NALCN: variants seen among roughly 807,000 people sequenced by gnomAD.
The protein encoded by NALCN is sodium leak channel NALCN.
A neutral mutation model predicts 225.3 loss-of-function variants in NALCN; 111 were observed. The ratio of observed to expected loss-of-function variants is 0.49; its 90% CI spans 0.42 to 0.58. NALCN has a LOEUF of 0.58. NALCN is among the 20% of genes least tolerant of loss of function. NALCN has a pLI of 0.00. For synonymous variants in NALCN, 764 were observed against 769.0 expected (o/e 0.99, Z 0.11); for missense variants, 1,378 against 2,202.4 (o/e 0.63, Z 7.49).
At chr13:101,392,785 T>G (rs1006079137) in intron 3 of NALCN, among the ~76,000 whole-genome samples, 1 of 152,166 alleles carries the variant, frequency 6.6e-6, no homozygotes, top group African/African-American at 2.4e-5. Context: ...AGGAAAACTA[T>G]TATGACTAAT....
chr13:101,211,625 T>TG (rs201195727), intron 13 of NALCN, among the ~76,000 whole-genome samples: 2,406 of 145,436 alleles, frequency 0.017, 74 homozygotes, highest in African/African-American at 0.059. Flanking sequence ...CAGTTTTTTT[T>TG]GGGGGGGGAG....
chr13:101,120,046 T>C (rs2035897844), intron 18 of NALCN, among the ~76,000 whole-genome samples: 1 of 152,164 alleles, frequency 6.6e-6, no homozygotes, highest in Admixed American at 6.5e-5. Flanking sequence ...TACATAGAAA[T>C]GGGTGATTCT....
intron 13 of NALCN, among the ~76,000 whole-genome samples, chr13:101,210,517 T>C (rs911416793): frequency 1.3e-5 from 2 of 151,742 alleles, no homozygotes; most frequent in African/African-American, 4.9e-5. Context: ...TTTTCTGTAA[T>C]ATGATTTTTT....
At chr13:101,114,547 C>A (rs536167215) in intron 18 of NALCN, among the ~76,000 whole-genome samples, 2 of 152,012 alleles carry the variant, frequency 1.3e-5, no homozygotes, top group South Asian at 4.2e-4. Context: ...GGGGAGGAAT[C>A]CAGCAAACCG....
intron 13 of NALCN, among the ~76,000 whole-genome samples, chr13:101,194,138 A>C (rs775391116): frequency 7.2e-5 from 11 of 152,264 alleles, no homozygotes; most frequent in Middle Eastern, 3.4e-3. Context: ...TTTGATCAAC[A>C]CAGTAGCTGC....
chr13:101,210,409 C>T (rs1351018329), intron 13 of NALCN, among the ~76,000 whole-genome samples: 1 of 152,166 alleles, frequency 6.6e-6, no homozygotes, highest in Non-Finnish European at 1.5e-5. Flanking sequence ...AATGAATATA[C>T]ATATCATTGG....
rs2034462992 is a variant in NALCN at position 101,095,653 on chromosome 13, T to A, written c.3190A>T (p.Asn1064Tyr). The A allele has an allele frequency of 6.2e-7, 1 of 1,612,984 alleles. No homozygotes were observed. The highest frequency in any genetic ancestry group is 8.5e-7 in the Non-Finnish European group (1 of 1,179,532). The change falls in exon 28 of 44, where the codon AAT becomes TAT. Residue 1064 changes from asparagine to tyrosine, a missense_variant. Asn to Tyr is a moderately radical substitution (Grantham distance 143). Coordinates refer to ENST00000251127, the MANE Select transcript of NALCN (RefSeq NM_052867.4). Reference protein sequence around the residue: ...REDCNGIFRINVSVSKNLNLK... With the variant: ...REDCNGIFRIYVSVSKNLNLK... ...TTTAAGTTCTTTGACACACTGACAT[T>A]AATTCTGAATATGCCATTGCAATCT...
chr13:101,196,402 C>A (rs2039891918), intron 13 of NALCN, among the ~76,000 whole-genome samples: 1 of 152,120 alleles, frequency 6.6e-6, no homozygotes, highest in Non-Finnish European at 1.5e-5. Context: ...AGATATTATT[C>A]TTGGGGTCCT....
intron 15 of NALCN, among the ~76,000 whole-genome samples, chr13:101,173,177 G>A (rs1041672778): frequency 6.6e-6 from 1 of 152,294 alleles, no homozygotes; most frequent in African/African-American, 2.4e-5. Context: ...TAGTTTTAAC[G>A]ATTGGGTTGC....
At position 101,089,130 on chromosome 13, in the gene NALCN, T is replaced by C. The variant is rs1302881182; in HGVS notation, c.3489+533A>G. 1.3e-5 allele frequency among the ~76,000 whole-genome samples: 2 copies of C among 152,128 alleles called. No homozygotes were observed. The highest frequency in any genetic ancestry group is 4.8e-5 in the African/African-American group (2 of 41,430). On this transcript the variant is annotated intron_variant, in intron 30 of 43. Coordinates refer to ENST00000251127, the MANE Select transcript of NALCN (RefSeq NM_052867.4). This position sits in a 1 kb window ranked among gnomAD's most constrained non-coding sequence, Gnocchi z 4.7. ...CCAGGCTGGTCTTGAACTCCTGACC[T>C]CAAGTGATCCACCCGCCTTGGCCTC... is the stretch of plus-strand genomic sequence containing the variant.
intron 14 of NALCN, among the ~76,000 whole-genome samples, chr13:101,190,750 CA>C (rs2039647547): frequency 6.6e-6 from 1 of 152,126 alleles, no homozygotes; most frequent in Non-Finnish European, 1.5e-5. Flanking sequence ...TTATTTCATT[CA>C]TAGATATTTA....
At chr13:101,172,735 T>C (rs2038788446) in intron 15 of NALCN, among the ~76,000 whole-genome samples, 2 of 139,012 alleles carry the variant, frequency 1.4e-5, no homozygotes, top group African/African-American at 5.0e-5. Flanking sequence ...AATTTTTTTG[T>C]TTTTCGTATT....
intron 13 of NALCN, among the ~76,000 whole-genome samples, chr13:101,215,681 C>CT (rs58105302): frequency 0.5 from 74,897 of 150,754 alleles, 19,058 homozygotes; most frequent in Non-Finnish European, 0.55. Flanking sequence ...TGGAGGCTTA[C>CT]TTTTTTTTTC....
chr13:101,293,841 T>G (rs1310526771), intron 7 of NALCN, among the ~76,000 whole-genome samples: 1 of 152,222 alleles, frequency 6.6e-6, no homozygotes, highest in Non-Finnish European at 1.5e-5. Flanking sequence ...ATACTTTCTA[T>G]AGAATATAAC....
At chr13:101,402,053 A>G (rs978377653) in intron 1 of NALCN, among the ~76,000 whole-genome samples, 3 of 152,200 alleles carry the variant, frequency 2.0e-5, no homozygotes, top group Non-Finnish European at 4.4e-5. Context: ...TTTCTCTGAT[A>G]AAAACCAGTA....
intron 15 of NALCN, among the ~76,000 whole-genome samples, chr13:101,170,916 T>G (rs2038681710): frequency 2.0e-5 from 3 of 152,198 alleles, no homozygotes; most frequent in African/African-American, 4.8e-5. Context: ...ACCCTTTATA[T>G]CTGTCTTTCA....
intron 15 of NALCN, among the ~76,000 whole-genome samples, chr13:101,154,352 G>A (rs1230326515): frequency 6.6e-6 from 1 of 152,118 alleles, no homozygotes; most frequent in Non-Finnish European, 1.5e-5. Context: ...CAAGCAATTG[G>A]TACACTTTTA....
intron 17 of NALCN, among the ~76,000 whole-genome samples, chr13:101,132,983 T>C (rs575474667): frequency 6.6e-6 from 1 of 152,316 alleles, no homozygotes; most frequent in East Asian, 1.9e-4. Context: ...AAGAGATCAA[T>C]ACATTTCCTA....
In NALCN at chr13:101,095,599, G is replaced by A; in HGVS notation, c.3244C>T (p.Pro1082Ser). The A allele has an allele frequency of 1.2e-6, 2 of 1,612,702 alleles. No individual in the cohort carries two copies. Among genetic ancestry groups the A allele is most frequent in the Non-Finnish European group, 1.7e-6 (2 of 1,179,508 alleles). Reference protein sequence around the residue: ...NLKLRPGEKKPGFWVPRVWAN... With the variant: ...NLKLRPGEKKSGFWVPRVWAN... Reference sequence around the variant, plus strand: ...CAAACACGGGGCACCCAAAATCCAGGTTTTTTCTCTCCAGGCCTCAATTTT... The same window carrying A: ...CAAACACGGGGCACCCAAAATCCAGATTTTTTCTCTCCAGGCCTCAATTTT... Residue 1082 changes from proline (P) to serine (S), a missense_variant, in exon 28 of 44, where the codon CCT (proline) becomes TCT (serine). Pro to Ser is a moderately conservative substitution (Grantham distance 74). This residue lies in a region of NALCN where 292 missense variants were observed against 409.5 expected (regional missense o/e 0.71). Transcript: ENST00000251127.
Sources: gnomAD v4.1 joint callset for allele counts (sites outside exome capture counted in the v4.1 genomes callset) on GRCh38, gnomAD v4.1.1 for gene constraint, gnomAD v4.1.1 regional missense constraint, Gnocchi (gnomAD v3.1) non-coding constraint, MANE v1.5 for transcripts, NCBI Gene and HGNC (gene_info 2026-07-23, HGNC 2026-07-21) for gene names.